Variants in HPCAL1 observed in about 807,000 individuals in gnomAD.
HPCAL1 encodes the protein hippocalcin-like protein 1.
In HPCAL1, 8 loss-of-function variants were observed where a neutral mutation model predicts 17.1. That is an observed-to-expected ratio of 0.47 (90% CI 0.27 to 0.84). The LOEUF (loss-of-function observed/expected upper bound fraction) is 0.84. Among genes scored for constraint, HPCAL1 ranks in the 40% least tolerant of loss-of-function variants. The pLI is 0.13. For missense variants in HPCAL1, 165 were observed against 271.1 expected, an observed-to-expected ratio of 0.61 and a Z score of 2.75; for synonymous variants, 112 against 111.4, an observed-to-expected ratio of 1.01 and a Z score of -0.03.
chr2:10,398,243 C>T (rs1427043802), intron 2 of HPCAL1, among the ~76,000 whole-genome samples: 1 of 152,238 alleles, frequency 6.6e-6, no homozygotes, highest in African/African-American at 2.4e-5. Context: ...TGAGAGCCCT[C>T]ATCACCGACT....
chr2:10,334,057 C>T (rs1007471319), intron 1 of HPCAL1, among the ~76,000 whole-genome samples: 2 of 152,234 alleles, frequency 1.3e-5, no homozygotes, highest in Non-Finnish European at 2.9e-5. Flanking sequence ...CTCTTCTCTA[C>T]TCTTTTCTTT....
At chr2:10,385,363 C>CAGTGTCT (rs1403452337) in intron 1 of HPCAL1, among the ~76,000 whole-genome samples, 1 of 18,128 alleles carries the variant, frequency 5.5e-5, no homozygotes, top group Non-Finnish European at 9.5e-5. Flanking sequence ...GTCGGGAATG[C>CAGTGTCT]AGGGCTGAAC....
At chr2:10,411,696 G>A (rs1469376483) in intron 2 of HPCAL1, among the ~76,000 whole-genome samples, 1 of 152,174 alleles carries the variant, frequency 6.6e-6, no homozygotes, top group Admixed American at 6.5e-5. Flanking sequence ...CACTCAGAGG[G>A]CCCGACAGCC....
chr2:10,426,527 G>A (rs139621762), intron 4 of HPCAL1, 197 bp from the exon 5 acceptor site: 158 of 572,634 alleles, frequency 2.8e-4, no homozygotes, highest in African/African-American at 2.6e-3. Flanking sequence ...ATGTATTGCA[G>A]GGAGCAGGGA....
intron 1 of HPCAL1, among the ~76,000 whole-genome samples, chr2:10,366,155 G>T (rs1254480841): frequency 6.6e-6 from 1 of 152,182 alleles, no homozygotes; most frequent in African/African-American, 2.4e-5. Context: ...GCACAGCACC[G>T]GGCACCAGGG....
At chr2:10,318,439 G>T (rs532187625) in intron 1 of HPCAL1, among the ~76,000 whole-genome samples, 1 of 152,308 alleles carries the variant, frequency 6.6e-6, no homozygotes, top group Non-Finnish European at 1.5e-5. Context: ...CAGTCCCGGT[G>T]CCGGACAGCC....
At chr2:10,336,994 C>T (rs570324533) in intron 1 of HPCAL1, among the ~76,000 whole-genome samples, 10 of 152,170 alleles carry the variant, frequency 6.6e-5, no homozygotes, top group Non-Finnish European at 1.0e-4. Context: ...CTCAAGTGTT[C>T]TTCCCACCGC....
intron 1 of HPCAL1, among the ~76,000 whole-genome samples, chr2:10,321,938 T>G (rs1460682122): frequency 6.6e-6 from 1 of 152,262 alleles, no homozygotes; most frequent in Non-Finnish European, 1.5e-5. Flanking sequence ...AAGTTTTTTT[T>G]GTACAAGCGT....
intron 1 of HPCAL1, among the ~76,000 whole-genome samples, chr2:10,306,632 C>A (rs140885300): frequency 1.4e-4 from 22 of 152,174 alleles, no homozygotes; most frequent in Middle Eastern, 3.4e-3. Flanking sequence ...AAATCACTTT[C>A]TACAAAGACT....
rs1269707623 is a variant in HPCAL1 at position 10,331,480 on chromosome 2, A to G, written c.-111+28303A>G. Among the ~76,000 whole-genome samples the G allele has an allele frequency of 6.6e-6, 1 of 152,060 alleles. No individual in the cohort carries two copies. The highest frequency in any genetic ancestry group is 2.4e-5 in the African/African-American group (1 of 41,402). On this transcript the variant is annotated intron_variant, in intron 1 of 4. Transcript: ENST00000307845. The surrounding 1 kb of genome is among the most constrained non-coding windows in gnomAD (Gnocchi z 5.0). ...TCTGAACCCAGGAGACACTCAGGAA[A>G]CCTTGCTGGTGGAACGGATGCAGCA...
intron 1 of HPCAL1, among the ~76,000 whole-genome samples, chr2:10,312,843 A>T (rs912335196): frequency 4.6e-5 from 7 of 151,686 alleles, no homozygotes; most frequent in African/African-American, 1.7e-4. Flanking sequence ...CACTGTCATC[A>T]CTGTCATTAT....
At chr2:10,319,672 C>G (rs1006507639) in intron 1 of HPCAL1, among the ~76,000 whole-genome samples, 2 of 151,894 alleles carry the variant, frequency 1.3e-5, no homozygotes, top group African/African-American at 4.8e-5. Flanking sequence ...GAGAGTATCC[C>G]TGGGTAGGGA....
chr2:10,359,945 C>T lies in HPCAL1; in HGVS notation c.-110-36890C>T, dbSNP rs1666420631. On this transcript the variant is annotated intron_variant, in intron 1 of 4. Transcript: ENST00000307845. This position sits in a 1 kb window ranked among gnomAD's most constrained non-coding sequence, Gnocchi z 4.1. ...CCGGGTCCACAGCGCCCGCCGGGTC[C>T]ACAGCGCCCACCAGGTTTGATGTGG... is the stretch of plus-strand genomic sequence containing the variant. Among the ~76,000 whole-genome samples the T allele has an allele frequency of 6.6e-6, 1 of 151,326 alleles. No individual in the cohort carries two copies. Among genetic ancestry groups the T allele is most frequent in the Non-Finnish European group, 1.5e-5 (1 of 67,948 alleles).
At chr2:10,409,527 A>G (rs989378714) in intron 2 of HPCAL1, among the ~76,000 whole-genome samples, 21 of 152,166 alleles carry the variant, frequency 1.4e-4, no homozygotes, top group Non-Finnish European at 1.6e-4. Flanking sequence ...GAAAAATGCA[A>G]TCAGCCCTAG....
intron 1 of HPCAL1, among the ~76,000 whole-genome samples, chr2:10,396,471 A>G (rs569186704): frequency 6.6e-6 from 1 of 152,326 alleles, no homozygotes; most frequent in East Asian, 1.9e-4. Flanking sequence ...TGATGGCCCC[A>G]GGTGACAATG....
chr2:10,350,218 A>G (rs750852541), intron 1 of HPCAL1, among the ~76,000 whole-genome samples: 6 of 152,054 alleles, frequency 3.9e-5, no homozygotes, highest in Admixed American at 6.6e-5. Flanking sequence ...CACATGCTCT[A>G]TGCACCCAGA....
rs1670951457 is a variant in HPCAL1 at position 10,420,145 on chromosome 2, C to T, written c.378+10C>T. 3.1e-6 allele frequency: 5 copies of T among 1,599,202 alleles called. No homozygotes were observed. The highest frequency in any genetic ancestry group is 3.4e-6 in the Non-Finnish European group (4 of 1,170,420). On this transcript the variant is annotated intron_variant, in intron 3 of 4. Coordinates refer to ENST00000307845, the MANE Select transcript of HPCAL1 (RefSeq NM_002149.4). ...GCTGGAGATCGTGCAGGTACCGGCG[C>T]CCGAGGCCCCGGGTCTCACCGCGGG...
chr2:10,383,217 A>G (rs1310826443), intron 1 of HPCAL1, among the ~76,000 whole-genome samples: 1 of 152,160 alleles, frequency 6.6e-6, no homozygotes, highest in Non-Finnish European at 1.5e-5. Context: ...ACAAAAGTAA[A>G]CAAAACTAGC....
intron 2 of HPCAL1, among the ~76,000 whole-genome samples, chr2:10,418,110 T>C (rs901564976): frequency 2.0e-5 from 3 of 151,842 alleles, no homozygotes; most frequent in Non-Finnish European, 2.9e-5. Context: ...AACAAAAACA[T>C]GTATGTACTA....
Sources: gnomAD v4.1 joint callset for allele counts (sites outside exome capture counted in the v4.1 genomes callset) on GRCh38, gnomAD v4.1.1 for gene constraint, Gnocchi (gnomAD v3.1) non-coding constraint, MANE v1.5 for transcripts, NCBI Gene and HGNC (gene_info 2026-07-23, HGNC 2026-07-21) for gene names.